ST3GAL3: variants seen among roughly 807,000 people sequenced by gnomAD.
ST3GAL3 encodes CMP-N-acetylneuraminate-beta-1,4-galactoside alpha-2,3-sialyltransferase.
Under a neutral mutation model 50.1 loss-of-function variants are expected in ST3GAL3, and 21 were observed. The observed-to-expected ratio is 0.42, with a 90% CI of 0.30 to 0.60. ST3GAL3 has a LOEUF of 0.60. Among genes scored for constraint, ST3GAL3 ranks in the 20% least tolerant of loss-of-function variants. The pLI, the probability that ST3GAL3 is intolerant of heterozygous loss-of-function variation, is 0.19. For missense variants in ST3GAL3, 353 were observed against 489.4 expected (o/e 0.72, Z 2.63); for synonymous variants, 183 against 190.0 (o/e 0.96, Z 0.30).
At chr1:43,878,281 C>T (rs2074463991) in intron 5 of ST3GAL3, among the ~76,000 whole-genome samples, 1 of 152,150 alleles carries the variant, frequency 6.6e-6, no homozygotes, top group Admixed American at 6.5e-5. Context: ...GGATTATATC[C>T]TCATCTCAAA....
chr1:43,733,371 A>G (rs988707103), intron 1 of ST3GAL3, among the ~76,000 whole-genome samples: 4 of 152,130 alleles, frequency 2.6e-5, no homozygotes, highest in African/African-American at 7.2e-5. Flanking sequence ...ATCCCATCCT[A>G]TTCCCTACAG....
At chr1:43,872,401 T>A (rs1364683382) in intron 5 of ST3GAL3, among the ~76,000 whole-genome samples, 1 of 151,104 alleles carries the variant, frequency 6.6e-6, no homozygotes, top group African/African-American at 2.4e-5. Context: ...CTGCCAGGGC[T>A]GCTGGTGAGG....
intron 5 of ST3GAL3, among the ~76,000 whole-genome samples, chr1:43,880,123 C>T (rs2074857057): frequency 6.6e-6 from 1 of 152,206 alleles, no homozygotes; most frequent in African/African-American, 2.4e-5. Flanking sequence ...TCTTGCAGCC[C>T]ACAGGCATTT....
chr1:43,875,950 C>CTTCTTATTA (rs1376185854), intron 5 of ST3GAL3, among the ~76,000 whole-genome samples: 1 of 74,040 alleles, frequency 1.4e-5, no homozygotes, highest in East Asian at 4.7e-4. Flanking sequence ...TCTTCTTCTT[C>CTTCTTATTA]TTATTATTAT....
chr1:43,853,126 C>T (rs907176961), intron 5 of ST3GAL3, among the ~76,000 whole-genome samples: 1 of 152,190 alleles, frequency 6.6e-6, no homozygotes, highest in African/African-American at 2.4e-5. Flanking sequence ...TGGTGAAAGA[C>T]ATGATTGAGT....
chr1:43,815,626 C>A (rs888951745), intron 4 of ST3GAL3, among the ~76,000 whole-genome samples: 6 of 152,110 alleles, frequency 3.9e-5, no homozygotes, highest in African/African-American at 7.2e-5. Context: ...CCCAGACTGA[C>A]CTTTATTCTC....
At chr1:43,867,301 A>AT (rs1158869362) in intron 5 of ST3GAL3, among the ~76,000 whole-genome samples, 2 of 152,200 alleles carry the variant, frequency 1.3e-5, no homozygotes, top group African/African-American at 2.4e-5. Flanking sequence ...CAGCCAAACC[A>AT]TATCAGTAGG....
intron 4 of ST3GAL3, among the ~76,000 whole-genome samples, chr1:43,833,348 A>G (rs1003506852): frequency 6.6e-6 from 1 of 152,170 alleles, no homozygotes; most frequent in Non-Finnish European, 1.5e-5. Flanking sequence ...CTATGAGAGA[A>G]AGATATTTAA....
At chr1:43,851,654 T>C in intron 5 of ST3GAL3, 4 of 1,301,556 alleles carry the variant, frequency 3.1e-6, no homozygotes, top group Non-Finnish European at 4.5e-6. Flanking sequence ...ATCGCTGTCT[T>C]TGAGGGGCTG....
intron 4 of ST3GAL3, among the ~76,000 whole-genome samples, chr1:43,832,860 G>C (rs995642240): frequency 6.6e-6 from 1 of 152,164 alleles, no homozygotes; most frequent in African/African-American, 2.4e-5. Flanking sequence ...GTAGAAGATG[G>C]AATTGAAGAA....
intron 3 of ST3GAL3, among the ~76,000 whole-genome samples, chr1:43,797,989 C>T (rs894446270): frequency 3.3e-5 from 5 of 152,190 alleles, no homozygotes; most frequent in African/African-American, 1.2e-4. Context: ...CTTCCCGAAA[C>T]CAAATACTTA....
chr1:43,858,918 C>G (rs2069186178), intron 5 of ST3GAL3, among the ~76,000 whole-genome samples: 2 of 152,218 alleles, frequency 1.3e-5, no homozygotes, highest in South Asian at 4.1e-4. Context: ...GCCCTTGGCT[C>G]TGCCTTCTGC....
chr1:43,903,617 G>A (rs2078664515), intron 9 of ST3GAL3, among the ~76,000 whole-genome samples: 1 of 152,218 alleles, frequency 6.6e-6, no homozygotes, highest in African/African-American at 2.4e-5. Flanking sequence ...TCCCTGGACA[G>A]CCTTGACACA....
At chr1:43,757,495 A>G (rs371421970) in intron 2 of ST3GAL3, among the ~76,000 whole-genome samples, 4 of 152,314 alleles carry the variant, frequency 2.6e-5, no homozygotes, top group East Asian at 1.9e-4. Context: ...GAGCCCAGAA[A>G]TAGACCCACA....
At chr1:43,834,531 G>A (rs1368032106) in intron 4 of ST3GAL3, among the ~76,000 whole-genome samples, 4 of 152,200 alleles carry the variant, frequency 2.6e-5, no homozygotes, top group Non-Finnish European at 5.9e-5. Flanking sequence ...TCCACAGTGT[G>A]TGACGCAGTT....
chr1:43,896,608 A>G (rs1291559907), intron 6 of ST3GAL3: 1 of 152,252 alleles, frequency 6.6e-6, no homozygotes, highest in African/African-American at 2.4e-5. Flanking sequence ...GCAGTGGCAC[A>G]CACACGACTC....
chr1:43,876,438 G>C (rs558393607), intron 5 of ST3GAL3, among the ~76,000 whole-genome samples: 1 of 152,192 alleles, frequency 6.6e-6, no homozygotes, highest in East Asian at 1.9e-4. Context: ...TGAGGGGAGA[G>C]AGCCAGTCAA....
chr1:43,880,720 C>A (rs2074969548), intron 5 of ST3GAL3, among the ~76,000 whole-genome samples: 1 of 152,168 alleles, frequency 6.6e-6, no homozygotes, highest in South Asian at 2.1e-4. Context: ...TGGTTCTGTC[C>A]TCTCCATTCC....
rs535383480 is a variant in ST3GAL3, at chr1:43,828,738, A to C, written c.210-9481A>C. ...CACCTATTAGAATGACTAAAAAAAA[A>C]CCAAAAAACCTGACAGTCTCAAATG... On this transcript the variant is annotated intron_variant, in intron 4 of 11. Coordinates refer to ENST00000347631, the MANE Select transcript of ST3GAL3 (RefSeq NM_006279.5). Among the ~76,000 whole-genome samples the C allele has an allele frequency of 2.9e-4, 44 of 152,110 alleles. 1 individual carries two copies. The highest frequency in any genetic ancestry group is 3.4e-3 in the Middle Eastern group (1 of 294).
Sources: allele counts gnomAD v4.1 joint callset (sites outside exome capture counted in the v4.1 genomes callset), GRCh38; gene constraint gnomAD v4.1.1; transcripts MANE v1.5; gene names NCBI Gene and HGNC (gene_info 2026-07-23, HGNC 2026-07-21).